ETV6: variants seen among roughly 807,000 people sequenced by gnomAD.
The protein encoded by ETV6 is transcription factor ETV6.
ETV6 carries 16 observed loss-of-function variants against 51.1 expected under a neutral mutation model. That is an observed-to-expected ratio of 0.31 (90% CI 0.21 to 0.48). The LOEUF (loss-of-function observed/expected upper bound fraction) is 0.48, where lower values mean the gene tolerates loss of function less well. Among genes scored for constraint, ETV6 ranks in the 20% least tolerant of loss-of-function variants. The pLI is 0.99. For synonymous variants in ETV6, 240 were observed against 224.1 expected (o/e 1.07, Z -0.64); for missense variants, 458 against 594.8 (o/e 0.77, Z 2.39).
intron 1 of ETV6, among the ~76,000 whole-genome samples, chr12:11,683,314 G>C (rs570742258): frequency 1.3e-5 from 2 of 152,298 alleles, no homozygotes; most frequent in Non-Finnish European, 1.5e-5. Flanking sequence ...AAAGTGCTGG[G>C]ATTACAGGCA....
At chr12:11,702,747 A>C (rs976149411) in intron 1 of ETV6, among the ~76,000 whole-genome samples, 5 of 152,230 alleles carry the variant, frequency 3.3e-5, no homozygotes, top group African/African-American at 1.2e-4. Context: ...GTTCATATGC[A>C]GTTTCTATTC....
intron 3 of ETV6, among the ~76,000 whole-genome samples, chr12:11,849,108 G>GTTGTTTGTTTGTTTGT (rs56777835): frequency 7.3e-5 from 11 of 151,346 alleles, no homozygotes; most frequent in Non-Finnish European, 1.5e-4. Context: ...CTGTTTTGGC[G>GTTGTTTGTTTGTTTGT]TTGTTTGTTT....
At chr12:11,761,046 G>A (rs199508506) in intron 2 of ETV6, among the ~76,000 whole-genome samples, 5 of 151,996 alleles carry the variant, frequency 3.3e-5, no homozygotes, top group South Asian at 2.1e-4. Flanking sequence ...CCACTTGCCC[G>A]AGGTCACCCA....
At chr12:11,676,500 T>C (rs1235932191) in intron 1 of ETV6, among the ~76,000 whole-genome samples, 2 of 152,226 alleles carry the variant, frequency 1.3e-5, no homozygotes, top group Non-Finnish European at 2.9e-5. Flanking sequence ...CTTAGCATTC[T>C]ACAGAGGTGC....
intron 2 of ETV6, among the ~76,000 whole-genome samples, chr12:11,837,776 T>C (rs1946337144): frequency 6.6e-6 from 1 of 152,244 alleles, no homozygotes; most frequent in Non-Finnish European, 1.5e-5. Flanking sequence ...CATGTGATTT[T>C]AGAGAATGAA....
intron 1 of ETV6, among the ~76,000 whole-genome samples, chr12:11,658,870 C>G (rs981377565): frequency 1.3e-5 from 2 of 152,184 alleles, no homozygotes; most frequent in African/African-American, 2.4e-5. Context: ...AAGGAAAAAA[C>G]CTAAGTCTGG....
chr12:11,745,173 C>T (rs939935679), intron 1 of ETV6, among the ~76,000 whole-genome samples: 1 of 152,166 alleles, frequency 6.6e-6, no homozygotes, highest in African/African-American at 2.4e-5. Context: ...CTGTTCTACC[C>T]ACACTGTAAT....
chr12:11,845,987 G>A (rs1156299818), intron 3 of ETV6, among the ~76,000 whole-genome samples: 4 of 131,640 alleles, frequency 3.0e-5, no homozygotes, highest in Admixed American at 1.6e-4. Context: ...GTGAGACTCC[G>A]TCTCAAAAAA....
rs181225646 is a variant in ETV6 at position 11,817,233 on chromosome 12, G to A, written c.164-21907G>A. On this transcript the variant is annotated intron_variant, in intron 2 of 7. Transcript: ENST00000396373. Reference sequence around the variant, plus strand: ...AGATGAAATTGAAAGTGTCTCCAACGCACCAGGTATATAGTATAATCTCAA... The same window carrying A: ...AGATGAAATTGAAAGTGTCTCCAACACACCAGGTATATAGTATAATCTCAA... 1.1e-4 allele frequency among the ~76,000 whole-genome samples: 16 copies of A among 152,260 alleles called. 1 individual carries two copies. The highest frequency in any genetic ancestry group is 9.8e-4 in the Admixed American group (15 of 15,288).
intron 2 of ETV6, among the ~76,000 whole-genome samples, chr12:11,824,346 G>A (rs1946123184): frequency 6.6e-6 from 1 of 152,216 alleles, no homozygotes; most frequent in Non-Finnish European, 1.5e-5. Context: ...TCCTATAGTA[G>A]TGAGGGCAAG....
At chr12:11,752,804 A>C in intron 2 of ETV6, 1 of 421,286 alleles carries the variant, frequency 2.4e-6, no homozygotes, top group South Asian at 6.7e-5. Flanking sequence ...TGACTATGAC[A>C]TGTTAAAAAA....
intron 1 of ETV6, among the ~76,000 whole-genome samples, chr12:11,687,450 G>A (rs205530): frequency 0.79 from 120,841 of 152,022 alleles, 51,704 homozygotes; most frequent in East Asian, 1. Flanking sequence ...CCAAAGTGCC[G>A]ACATTACAGG....
At chr12:11,753,913 C>T (rs2121074834) in intron 2 of ETV6, among the ~76,000 whole-genome samples, 1 of 152,308 alleles carries the variant, frequency 6.6e-6, no homozygotes, top group African/African-American at 2.4e-5. Context: ...GGACACAGCC[C>T]TACTCTACCA....
intron 1 of ETV6, among the ~76,000 whole-genome samples, chr12:11,687,027 AG>A (rs1231008867): frequency 9.2e-5 from 14 of 152,150 alleles, no homozygotes; most frequent in Admixed American, 8.5e-4. Flanking sequence ...CTGGGACTAC[AG>A]GCGCACACCA....
At chr12:11,769,511 G>A (rs749915486) in intron 2 of ETV6, among the ~76,000 whole-genome samples, 2 of 152,048 alleles carry the variant, frequency 1.3e-5, no homozygotes, top group Admixed American at 6.5e-5. Context: ...TCTTTGGCAC[G>A]TGTAGCAAAA....
Position 11,853,526 on chromosome 12 carries a change from A to C in ETV6, c.428A>C (p.Gln143Pro). 1 of 1,614,240 alleles carries C rather than the reference A, an allele frequency of 6.2e-7. No individual in the cohort carries two copies. Among genetic ancestry groups the C allele is most frequent in the Non-Finnish European group, 8.5e-7 (1 of 1,180,040 alleles). ...FFHPGNSIHTQPEVILHQNHE... is the reference protein window; with the variant it reads ...FFHPGNSIHTPPEVILHQNHE... ...CACCCTGGAAACTCTATACACACAC[A>C]GCCGGAGGTCATACTGCATCAGAAC... The change falls in exon 4 of 8, where the codon CAG (glutamine) becomes CCG (proline). Residue 143 changes from glutamine (Q) to proline (P), a missense_variant. Transcript: ENST00000396373.
chr12:11,719,460 T>C (rs538467839), intron 1 of ETV6, among the ~76,000 whole-genome samples: 2 of 152,378 alleles, frequency 1.3e-5, no homozygotes, highest in East Asian at 1.9e-4. Flanking sequence ...AAGGACAAGC[T>C]CTTGTAGCAT....
At chr12:11,733,807 C>T (rs112033850) in intron 1 of ETV6, among the ~76,000 whole-genome samples, 25 of 152,338 alleles carry the variant, frequency 1.6e-4, no homozygotes, top group African/African-American at 6.0e-4. Flanking sequence ...GAAGAGTTTA[C>T]TTGTAAATCC....
At chr12:11,749,352 C>G (rs1279052701) in intron 1 of ETV6, among the ~76,000 whole-genome samples, 2 of 142,814 alleles carry the variant, frequency 1.4e-5, no homozygotes, top group Non-Finnish European at 3.1e-5. Flanking sequence ...CACACACACC[C>G]CTACTCCCCA....
Sources: gnomAD v4.1 joint callset for allele counts (sites outside exome capture counted in the v4.1 genomes callset) on GRCh38, gnomAD v4.1.1 for gene constraint, MANE v1.5 for transcripts, NCBI Gene and HGNC (gene_info 2026-07-23, HGNC 2026-07-21) for gene names.